Variants in ARMC5 observed in about 807,000 individuals in gnomAD.
ARMC5 encodes the protein armadillo repeat-containing protein 5.
In ARMC5, 28 loss-of-function variants were observed where a neutral mutation model predicts 60.5. The ratio of observed to expected loss-of-function variants is 0.46; its 90% CI spans 0.34 to 0.63. ARMC5 has a LOEUF of 0.63. ARMC5 is among the 30% of genes least tolerant of loss of function. The probability of loss-of-function intolerance (pLI) is 0.01; values close to 1 mark genes in which losing one functional copy is unlikely to be tolerated. For synonymous variants in ARMC5, 680 were observed against 607.3 expected, an observed-to-expected ratio of 1.12 and a Z score of -1.76; for missense variants, 1,189 against 1,304.9, an observed-to-expected ratio of 0.91 and a Z score of 1.37.
Position 31,459,512 on chromosome 16 carries a change from G to T in ARMC5, c.-13G>T, listed in dbSNP as rs369933628. The T allele has an allele frequency of 2.5e-6, 4 of 1,596,386 alleles. No homozygotes were observed. The African/African-American group carries it at 5.3e-5, about 21-fold the overall frequency. On this transcript the variant is annotated 5_prime_UTR_variant, in exon 1 of 6. It adds an upstream start codon to the 5' untranslated region. Coordinates refer to ENST00000268314, the MANE Select transcript of ARMC5 (RefSeq NM_001105247.2). ...CGGCGAGAAGCGGGGCGGAGTCTGA[G>T]GCCCGAGCCAAGATGGCGGCTGCGA...
chr16:31,458,644 T>G (rs958993699), upstream of ARMC5: 1 of 1,438,136 alleles, frequency 7.0e-7, no homozygotes, highest in Non-Finnish European at 9.2e-7. Context: ...TCCCCAGGGC[T>G]AGAGCCTGAC....
chr16:31,459,152 G>C (rs965911521), upstream of ARMC5: 7 of 1,503,762 alleles, frequency 4.7e-6, no homozygotes, highest in African/African-American at 8.3e-5. Flanking sequence ...TCCCCGCCGA[G>C]TGCACGCCGG....
rs556559969 is a variant in ARMC5, at chr16:31,459,546, C to G, written c.22C>G (p.Leu8Val). 6 of 1,605,950 alleles carry G rather than the reference C, an allele frequency of 3.7e-6. No individual in the cohort carries two copies. The highest frequency in any genetic ancestry group is 2.2e-5 in the East Asian group (1 of 44,754). MAAAKPT[L>V]TDSLSFCLAQ... is the part of the protein sequence containing the mutation. ...CAAGATGGCGGCTGCGAAGCCAACC[C>G]TCACGGACTCGCTCTCGTTCTGCCT... Residue 8 changes from leucine to valine, a missense_variant, in exon 1 of 6, where the codon CTC (leucine) becomes GTC (valine). Around this residue, in one of 2 missense-constraint regions of ARMC5, gnomAD observed 327 missense variants for 233.7 expected, o/e 1.40. Transcript: ENST00000268314.
intron 4 of ARMC5, chr16:31,465,299 T>C: frequency 3.4e-6 from 5 of 1,469,380 alleles, no homozygotes; most frequent in Non-Finnish European, 4.5e-6. Flanking sequence ...GACCACAGGC[T>C]GCTTCATGGC....
At chr16:31,460,153 A>T in intron 1 of ARMC5, 154 bp downstream of exon 1, 1 of 753,064 alleles carries the variant, frequency 1.3e-6, no homozygotes, top group Non-Finnish European at 2.1e-6. Context: ...GTGCCCCGTG[A>T]CGTCACTGCA....
chr16:31,462,583 C>A lies in ARMC5; in HGVS notation c.1036C>A (p.Gln346Lys). 6.2e-7 allele frequency: 1 copy of A among 1,612,668 alleles called. No homozygotes were observed. The highest frequency in any genetic ancestry group is 8.5e-7 in the Non-Finnish European group (1 of 1,179,966). The part of the protein sequence containing the change: ...DPNGASPTSQ[Q>K]PLVRAVCLLC... ...TAATGGAGCTAGCCCAACCTCCCAG[C>A]AGCCCCTGGTGCGGGCTGTGTGCCT... is the stretch of plus-strand genomic sequence containing the variant. Residue 346 changes from glutamine (Q) to lysine (K), a missense_variant, in exon 3 of 6, where the codon CAG becomes AAG. Transcript: ENST00000268314. The surrounding 1 kb of genome is among the most constrained non-coding windows in gnomAD (Gnocchi z 7.2).
chr16:31,465,314 C>A (rs888754016), intron 4 of ARMC5: 7 of 1,442,954 alleles, frequency 4.9e-6, no homozygotes, highest in Non-Finnish European at 6.4e-6. Flanking sequence ...CATGGCGTTA[C>A]TGCTAGACCA....
chr16:31,458,313 C>G, upstream of ARMC5: 2 of 1,251,540 alleles, frequency 1.6e-6, no homozygotes, highest in East Asian at 5.1e-5. Flanking sequence ...AGGCTTTTAG[C>G]GGTGTGAGCG....
In ARMC5 at chr16:31,464,424, A is replaced by G. The variant is rs773169875; in HGVS notation, c.1401A>G (p.Thr467=). The G allele has an allele frequency of 5.8e-6, 9 of 1,551,624 alleles. No homozygotes were observed. The highest frequency in any genetic ancestry group is 7.8e-6 in the Non-Finnish European group (9 of 1,150,216). ...GGCTGATCTCCGAGGGCTATGCCAC[A>G]GGCCCTGATGACATCTCCCCCGACT... ...RSWLISEGYA[T]GPDDISPDWS... The change falls in exon 4 of 6, where the codon ACA becomes ACG. Residue 467 remains threonine, a synonymous_variant. Transcript: ENST00000268314. The surrounding 1 kb of genome is among the most constrained non-coding windows in gnomAD (Gnocchi z 7.6).
upstream of ARMC5, chr16:31,458,677 C>T (rs1486013987): frequency 6.2e-6 from 9 of 1,453,890 alleles, no homozygotes; most frequent in Non-Finnish European, 8.1e-6. Context: ...GGGCAGCTGC[C>T]CCGACCACAC....
chr16:31,458,573 A>C (rs2082267167), upstream of ARMC5: 1 of 1,493,546 alleles, frequency 6.7e-7, no homozygotes, highest in African/African-American at 1.4e-5. Flanking sequence ...GTCAGTCCAC[A>C]TTTCCGGCAC....
rs539571452 is a variant in ARMC5 at position 31,467,135 on chromosome 16, T to G, written c.*246T>G. The G allele has an allele frequency of 4.7e-6, 2 of 421,880 alleles. No homozygotes were observed. Among genetic ancestry groups the G allele is most frequent in the Admixed American group, 4.0e-5 (1 of 25,254 alleles). The allele number at this position is 421,880 out of a possible 1,614,324, so 26.1% of individuals were successfully genotyped here. On this transcript the variant is annotated 3_prime_UTR_variant, in exon 6 of 6. Transcript: ENST00000268314. ...AGGTGCCTGGCCTGGCCTAGACCTCTGGAATTGAGATTAAACAATTTGGAG... is the reference window on the plus strand; with the variant it reads ...AGGTGCCTGGCCTGGCCTAGACCTCGGGAATTGAGATTAAACAATTTGGAG...
chr16:31,459,529 C>T lies in ARMC5; in HGVS notation c.5C>T (p.Ala2Val), dbSNP rs1230549460. 1.9e-6 allele frequency: 3 copies of T among 1,602,266 alleles called. No individual in the cohort carries two copies. Among genetic ancestry groups the T allele is most frequent in the Non-Finnish European group, 1.7e-6 (2 of 1,177,428 alleles). The change falls in exon 1 of 6, where the codon GCG becomes GTG. Residue 2 changes from alanine to valine, a missense_variant. By Grantham distance (64) the Ala-to-Val change is moderately conservative. Coordinates refer to ENST00000268314, the MANE Select transcript of ARMC5 (RefSeq NM_001105247.2). M[A>V]AAKPTLTDSL... ...GAGTCTGAGGCCCGAGCCAAGATGG[C>T]GGCTGCGAAGCCAACCCTCACGGAC...
Position 31,462,217 on chromosome 16 carries a change from G to A in ARMC5, c.670G>A (p.Ala224Thr). 1 of 1,610,806 alleles carries A rather than the reference G, an allele frequency of 6.2e-7. No homozygotes were observed. Reference sequence around the variant, plus strand: ...CGTGGTGCGTGCCCTCCGTAACCTGGCAGACTCACCCCAGCACCGCCTGGC... The same window carrying A: ...CGTGGTGCGTGCCCTCCGTAACCTGACAGACTCACCCCAGCACCGCCTGGC... ...QSVVRALRNL[A>T]DSPQHRLALA... Residue 224 changes from alanine (A) to threonine (T), a missense_variant, in exon 3 of 6, where the codon GCA becomes ACA. This residue lies in a region of ARMC5 where 862 missense variants were observed against 1,071.2 expected (regional missense o/e 0.80). Transcript: ENST00000268314. This position sits in a 1 kb window ranked among gnomAD's most constrained non-coding sequence, Gnocchi z 7.2.
At position 31,462,061 on chromosome 16, in the gene ARMC5, G is replaced by A. The variant is rs753485956; in HGVS notation, c.583+32G>A. On this transcript the variant is annotated intron_variant, in intron 2 of 5. Transcript: ENST00000268314. This position sits in a 1 kb window ranked among gnomAD's most constrained non-coding sequence, Gnocchi z 7.2. ...GGCTGTGAGGTTGGGGTCTGCTAGG[G>A]CTTGGGGCAGAAGAAAGGCTTGAGT... 3 of 1,613,612 alleles carry A rather than the reference G, an allele frequency of 1.9e-6. No homozygotes were observed. The highest frequency in any genetic ancestry group is 2.5e-6 in the Non-Finnish European group (3 of 1,179,528).
chr16:31,459,056 C>G, upstream of ARMC5: 1 of 1,507,486 alleles, frequency 6.6e-7, no homozygotes, highest in Non-Finnish European at 8.8e-7. Flanking sequence ...ACTTTCGGCC[C>G]GGCTCGGGGT....
At chr16:31,463,442 T>C (rs896287179) in intron 3 of ARMC5, among the ~76,000 whole-genome samples, 1 of 152,134 alleles carries the variant, frequency 6.6e-6, no homozygotes, top group Admixed American at 6.5e-5. Flanking sequence ...CCTTTGAACT[T>C]TGGGCCCCAG....
In ARMC5 at chr16:31,466,802, G is replaced by T; in HGVS notation, c.2721G>T (p.Glu907Asp). ...KRGLALVGLV[E>D]AAGEEAGPLT... Reference sequence around the variant, plus strand: ...GTCTGGCCCTGGTGGGGCTTGTGGAGGCAGCAGGTGAAGAGGCAGGGCCCC... The same window carrying T: ...GTCTGGCCCTGGTGGGGCTTGTGGATGCAGCAGGTGAAGAGGCAGGGCCCC... Residue 907 changes from glutamate to aspartate, a missense_variant, in exon 6 of 6, where the codon GAG becomes GAT. Physicochemically the swap from Glu to Asp is conservative, Grantham distance 45. Coordinates refer to ENST00000268314, the MANE Select transcript of ARMC5 (RefSeq NM_001105247.2). This position sits in a 1 kb window ranked among gnomAD's most constrained non-coding sequence, Gnocchi z 8.0. 1 of 1,593,532 alleles carries T rather than the reference G, an allele frequency of 6.3e-7. No individual in the cohort carries two copies.
intron 1 of ARMC5, among the ~76,000 whole-genome samples, chr16:31,461,373 A>G (rs2082302157): frequency 6.6e-6 from 1 of 152,142 alleles, no homozygotes; most frequent in South Asian, 2.1e-4. Context: ...AGCCTTTCAC[A>G]GACACTGTAT....
Sources: gnomAD v4.1 joint callset for allele counts (sites outside exome capture counted in the v4.1 genomes callset) on GRCh38, gnomAD v4.1.1 for gene constraint, gnomAD v4.1.1 regional missense constraint, Gnocchi (gnomAD v3.1) non-coding constraint, MANE v1.5 for transcripts, NCBI Gene and HGNC (gene_info 2026-07-23, HGNC 2026-07-21) for gene names.